The following BCLAF1 variants were observed in gnomAD, a reference collection of about 807,000 sequenced individuals.
BCLAF1 encodes the protein bcl-2-associated transcription factor 1.
BCLAF1 carries 10 observed loss-of-function variants against 99.5 expected under a neutral mutation model. The ratio of observed to expected loss-of-function variants is 0.10; its 90% CI spans 0.06 to 0.17. BCLAF1 has a LOEUF of 0.17. Among genes scored for constraint, BCLAF1 ranks in the 10% least tolerant of loss-of-function variants. The probability of loss-of-function intolerance (pLI) is 1.00; values close to 1 mark genes in which losing one functional copy is unlikely to be tolerated. For missense variants in BCLAF1, 636 were observed against 1,105.8 expected (o/e 0.58, Z 6.02); for synonymous variants, 255 against 370.9 (o/e 0.69, Z 3.59).
intron 5 of BCLAF1, 39 bp from the exon 6 acceptor site, chr6:136,275,740 C>A (rs745555684): frequency 2.6e-6 from 4 of 1,561,208 alleles, no homozygotes; most frequent in Non-Finnish European, 3.5e-6. Flanking sequence ...ACAAAATATA[C>A]CATTGGTTTA....
intron 11 of BCLAF1, among the ~76,000 whole-genome samples, chr6:136,263,716 C>T (rs1055429636): frequency 5.9e-5 from 9 of 152,118 alleles, no homozygotes; most frequent in Non-Finnish European, 1.0e-4. Context: ...TCCCCACCAA[C>T]GATTTTCTCT....
chr6:136,261,201 A>G, intron 12 of BCLAF1, 64 bp downstream of exon 12: 10 of 1,570,582 alleles, frequency 6.4e-6, no homozygotes, highest in East Asian at 2.2e-5. Context: ...TAAAAATGAA[A>G]TAATTCACCC....
chr6:136,279,954 A>G (rs1784150167), intron 2 of BCLAF1, 78 bp from the exon 3 acceptor site: 1 of 1,290,966 alleles, frequency 7.7e-7, no homozygotes, highest in African/African-American at 1.5e-5. Context: ...TTATTTTCAG[A>G]TAAAATTTGA....
rs1204390213 is a variant in BCLAF1 at position 136,278,673 on chromosome 6, G to A, written c.208C>T (p.Pro70Ser). Residue 70 changes from proline to serine, a missense_variant, in exon 4 of 13, where the codon CCT (proline) becomes TCT (serine). Pro to Ser is a moderately conservative substitution (Grantham distance 74). Around this residue, in one of 9 missense-constraint regions of BCLAF1, gnomAD observed 81 missense variants for 132.5 expected, o/e 0.61. Transcript: ENST00000531224. ...DYRNNRGMRR[P>S]YGYRGRGRGY... is the part of the protein sequence containing the mutation. ...CTACCCCTTCCTCTGTACCCATAAG[G>A]TCGTCTCATTCCTCTATTATTTCTG... 5.6e-6 allele frequency: 9 copies of A among 1,613,044 alleles called. No homozygotes were observed. The highest frequency in any genetic ancestry group is 1.1e-5 in the South Asian group (1 of 91,044).
intron 1 of BCLAF1, among the ~76,000 whole-genome samples, chr6:136,284,587 AAAT>A (rs1784869138): frequency 6.6e-6 from 1 of 152,192 alleles, no homozygotes; most frequent in South Asian, 2.1e-4. Flanking sequence ...AAAGTAAATA[AAAT>A]AATGTCATAT....
intron 8 of BCLAF1, 59 bp from the exon 9 acceptor site, chr6:136,269,671 C>T: frequency 2.2e-6 from 3 of 1,335,186 alleles, no homozygotes; most frequent in South Asian, 1.6e-5. Context: ...AATATATATA[C>T]ACATATTATA....
Position 136,265,515 on chromosome 6 carries a change from T to C in BCLAF1, c.2544+1514A>G, listed in dbSNP as rs77786394. On this transcript the variant is annotated intron_variant, in intron 11 of 12. Coordinates refer to ENST00000531224, the MANE Select transcript of BCLAF1 (RefSeq NM_014739.3). ...GCTTAACTTTTAACACCCATGATTTTTGTAAACTCTGCTTAAAACTCTATT... is the reference window on the plus strand; with the variant it reads ...GCTTAACTTTTAACACCCATGATTTCTGTAAACTCTGCTTAAAACTCTATT... Among the ~76,000 whole-genome samples the C allele has an allele frequency of 1.1e-4, 17 of 152,284 alleles. No individual in the cohort carries two copies. In the East Asian group the frequency reaches 2.9e-3, roughly 26 times the overall value.
chr6:136,275,072 T>G (rs970545892), intron 6 of BCLAF1, among the ~76,000 whole-genome samples: 20 of 152,040 alleles, frequency 1.3e-4, no homozygotes, highest in African/African-American at 4.8e-4. Context: ...AAAGTGTTTT[T>G]CCACCATTTC....
At chr6:136,274,202 A>G (rs2128477906) in intron 6 of BCLAF1, 1 of 1,278,134 alleles carries the variant, frequency 7.8e-7, no homozygotes, top group Middle Eastern at 2.1e-4. Context: ...AGTTACAATG[A>G]AAAAGAAAAC....
chr6:136,259,081 C>T lies in BCLAF1; in HGVS notation c.*2029G>A, dbSNP rs1335085489. On this transcript the variant is annotated 3_prime_UTR_variant, in exon 13 of 13. Transcript: ENST00000531224. ...AAAAAATATACAGGCTTTTTATATG[C>T]TTGGATCTGAAAAAGGTAACATCCA... The T allele has an allele frequency of 6.6e-6, 1 of 151,982 alleles. No individual in the cohort carries two copies. Among genetic ancestry groups the T allele is most frequent in the Non-Finnish European group, 1.5e-5 (1 of 67,850 alleles). 9.4% of individuals were successfully genotyped at this position (151,982 alleles called of 1,614,324 possible).
intron 1 of BCLAF1, among the ~76,000 whole-genome samples, chr6:136,288,603 T>C (rs1785489397): frequency 6.6e-6 from 1 of 152,128 alleles, no homozygotes; most frequent in South Asian, 2.1e-4. Flanking sequence ...AGCTCATCTT[T>C]TTCGTCAGTG....
intron 1 of BCLAF1, among the ~76,000 whole-genome samples, chr6:136,289,465 C>G (rs946101970): frequency 6.6e-6 from 1 of 152,178 alleles, no homozygotes; most frequent in Non-Finnish European, 1.5e-5. Context: ...CTGTGGGTCT[C>G]CAGGCAGGTT....
At position 136,288,421 on chromosome 6, in the gene BCLAF1, T is replaced by C. The variant is rs79161555; in HGVS notation, c.-115+1292A>G. On this transcript the variant is annotated intron_variant, in intron 1 of 12. Coordinates refer to ENST00000531224, the MANE Select transcript of BCLAF1 (RefSeq NM_014739.3). The stretch of plus-strand genomic sequence containing the variant: ...ATGATCAAACAAAAATACAAAAGCC[T>C]TGTAGCAGTTTTTCCTACGTAAAGG... 7.1e-3 allele frequency among the ~76,000 whole-genome samples: 1,085 copies of C among 152,328 alleles called. 14 individuals carry two copies. The highest frequency in any genetic ancestry group is 0.024 in the African/African-American group (1,008 of 41,560).
Position 136,259,693 on chromosome 6 carries a change from G to C in BCLAF1, c.*1417C>G, listed in dbSNP as rs765306276. 1.3e-5 allele frequency: 2 copies of C among 151,892 alleles called. No individual in the cohort carries two copies. Among genetic ancestry groups the C allele is most frequent in the African/African-American group, 4.8e-5 (2 of 41,404 alleles). 9.4% of individuals were successfully genotyped at this position (151,892 alleles called of 1,614,324 possible). On this transcript the variant is annotated 3_prime_UTR_variant, in exon 13 of 13. Coordinates refer to ENST00000531224, the MANE Select transcript of BCLAF1 (RefSeq NM_014739.3). ...CCTGGCTGTAATCTAGGTGCTAGAC[G>C]CACTGCAAATCCTCGAAAGTGTTTA...
intron 1 of BCLAF1, among the ~76,000 whole-genome samples, chr6:136,286,052 T>C (rs959942875): frequency 6.6e-6 from 1 of 151,966 alleles, no homozygotes; most frequent in African/African-American, 2.4e-5. Flanking sequence ...TGAGCCAAGA[T>C]TGCACCACTG....
At position 136,260,073 on chromosome 6, in the gene BCLAF1, A is replaced by T. The variant is rs1267607580; in HGVS notation, c.*1037T>A. 1 of 152,062 alleles carries T rather than the reference A, an allele frequency of 6.6e-6. No homozygotes were observed. Among genetic ancestry groups the T allele is most frequent in the African/African-American group, 2.4e-5 (1 of 41,444 alleles). The allele number at this position is 152,062 out of a possible 1,614,324, so 9.4% of individuals were successfully genotyped here. A position where few individuals can be genotyped will look rare whatever the true frequency, so the allele number is the denominator to read the frequency against. ...TCCTGCCAAAACTTTTATTGGTGAC[A>T]TTTGAAAAACAATTTTTTTAAAATA... is the stretch of plus-strand genomic sequence containing the variant. On this transcript the variant is annotated 3_prime_UTR_variant, in exon 13 of 13. Transcript: ENST00000531224.
Position 136,268,278 on chromosome 6 carries a change from G to A in BCLAF1, c.2281C>T (p.Pro761Ser), listed in dbSNP as rs780637032. 1.9e-6 allele frequency: 3 copies of A among 1,605,008 alleles called. No homozygotes were observed. Among genetic ancestry groups the A allele is most frequent in the Admixed American group, 3.4e-5 (2 of 58,280 alleles). ...CTCTCCTTTTCTTCTCGAGAACTGG[G>A]AGAAGAAGGTGATGCTGAAGAGGAT... ...SSSSSASPSS[P>S]SSREEKESKK... Residue 761 changes from proline (P) to serine (S), a missense_variant, in exon 10 of 13, where the codon CCC becomes TCC. Physicochemically the swap from Pro to Ser is moderately conservative, Grantham distance 74 (BLOSUM62 -1). Coordinates refer to ENST00000531224, the MANE Select transcript of BCLAF1 (RefSeq NM_014739.3).
chr6:136,260,958 A>C lies in BCLAF1; in HGVS notation c.*152T>G. The C allele has an allele frequency of 1.3e-6, 1 of 741,434 alleles. No individual in the cohort carries two copies. The highest frequency in any genetic ancestry group is 2.1e-6 in the Non-Finnish European group (1 of 475,646). The allele number at this position is 741,434 out of a possible 1,614,324, so 45.9% of individuals were successfully genotyped here. The stretch of plus-strand genomic sequence containing the variant: ...TCAACATACAGTCTACTATTTCTCA[A>C]GATATTTGAAGACTTAAAACAAAAT... On this transcript the variant is annotated 3_prime_UTR_variant, in exon 13 of 13. Coordinates refer to ENST00000531224, the MANE Select transcript of BCLAF1 (RefSeq NM_014739.3).
intron 1 of BCLAF1, among the ~76,000 whole-genome samples, chr6:136,285,697 A>T (rs900656228): frequency 6.6e-6 from 1 of 152,258 alleles, no homozygotes; most frequent in Non-Finnish European, 1.5e-5. Context: ...AAAATAAAGC[A>T]GGTTTTATTT....
Sources: gnomAD v4.1 joint callset for allele counts (sites outside exome capture counted in the v4.1 genomes callset) on GRCh38, gnomAD v4.1.1 for gene constraint, gnomAD v4.1.1 regional missense constraint, MANE v1.5 for transcripts, NCBI Gene and HGNC (gene_info 2026-07-23, HGNC 2026-07-21) for gene names.